Variants in JHY observed in about 807,000 individuals in gnomAD.
The protein encoded by JHY is junctional cadherin complex regulator.
Under a neutral mutation model 78.0 loss-of-function variants are expected in JHY, and 69 were observed. That is an observed-to-expected ratio of 0.88 (90% CI 0.73 to 1.08). The LOEUF (loss-of-function observed/expected upper bound fraction) is 1.08. Ranked by LOEUF, JHY falls within the 50% of genes least tolerant of loss-of-function variation. JHY has a pLI of 0.00. For synonymous variants in JHY, 368 were observed against 342.6 expected (o/e 1.07, Z -0.82); for missense variants, 944 against 927.8 (o/e 1.02, Z -0.23).
At position 122,959,574 on chromosome 11, in the gene JHY, T is replaced by C; in HGVS notation, c.*129T>C. The C allele has an allele frequency of 1.1e-6, 1 of 878,572 alleles. No homozygotes were observed. Among genetic ancestry groups the C allele is most frequent in the East Asian group, 2.7e-5 (1 of 37,056 alleles). 54.4% of individuals were successfully genotyped at this position (878,572 alleles called of 1,614,324 possible). On this transcript the variant is annotated 3_prime_UTR_variant, in exon 9 of 9. Transcript: ENST00000227349. Reference sequence around the variant, plus strand: ...CATCTATCTGCCGTCCATGTTTGCTTTCTGCAGGATTTAAAATATGAGGCC... The same window carrying C: ...CATCTATCTGCCGTCCATGTTTGCTCTCTGCAGGATTTAAAATATGAGGCC...
rs1261647392 is a variant in JHY, at chr11:122,892,327, T to TTG, written c.344+6135_344+6136insGT. Among the ~76,000 whole-genome samples, 113 of 145,674 alleles carry TTG rather than the reference T, an allele frequency of 7.8e-4. 1 individual carries two copies. In the East Asian group the frequency reaches 0.014, roughly 18 times the overall value. On this transcript the variant is annotated intron_variant, in intron 2 of 8. Coordinates refer to ENST00000227349, the MANE Select transcript of JHY (RefSeq NM_024806.4). ...AAAAAGGGACTCATAATAATCTGCA[T>TTG]TTTTTTTTTTTTTGAGATGGAGTCT...
At chr11:122,910,404 G>A (rs2135318178) in intron 3 of JHY, among the ~76,000 whole-genome samples, 1 of 152,022 alleles carries the variant, frequency 6.6e-6, no homozygotes, top group South Asian at 2.1e-4. Flanking sequence ...TCGGGAGGCA[G>A]GGTTTCCGTG....
intron 6 of JHY, among the ~76,000 whole-genome samples, chr11:122,949,071 G>A (rs1864029786): frequency 7.4e-6 from 1 of 134,668 alleles, no homozygotes; most frequent in Admixed American, 7.3e-5. Context: ...GGGACAGAGT[G>A]AGACTCCATC....
At chr11:122,914,439 TTTG>T (rs1235375540) in intron 3 of JHY, among the ~76,000 whole-genome samples, 6 of 152,028 alleles carry the variant, frequency 3.9e-5, no homozygotes, top group African/African-American at 1.4e-4. Context: ...GTTTTGTTTT[TTTG>T]TTTTTTTTGT....
rs759246686 is a variant in JHY at position 122,963,515 on chromosome 11, C to G, written c.*4070C>G. On this transcript the variant is annotated 3_prime_UTR_variant, in exon 9 of 9. Coordinates refer to ENST00000227349, the MANE Select transcript of JHY (RefSeq NM_024806.4). Reference sequence around the variant, plus strand: ...CACGTCATCTCACAATAGTGAAATACAGCAGAATGTCACTAAACTACCATA... The same window carrying G: ...CACGTCATCTCACAATAGTGAAATAGAGCAGAATGTCACTAAACTACCATA... Among the ~76,000 whole-genome samples, 4 of 152,158 alleles carry G rather than the reference C, an allele frequency of 2.6e-5. No homozygotes were observed. Among genetic ancestry groups the G allele is most frequent in the Admixed American group, 6.5e-5 (1 of 15,276 alleles).
intron 2 of JHY, among the ~76,000 whole-genome samples, chr11:122,894,852 T>C (rs918403972): frequency 6.6e-6 from 1 of 152,240 alleles, no homozygotes; most frequent in Non-Finnish European, 1.5e-5. Flanking sequence ...AGTGTGTTCC[T>C]ATAGACAGTC....
chr11:122,944,892 TTC>T (rs1158251218), intron 5 of JHY, among the ~76,000 whole-genome samples: 4 of 152,156 alleles, frequency 2.6e-5, no homozygotes, highest in Non-Finnish European at 5.9e-5. Context: ...TGTTTTTATT[TTC>T]TCTTATTGGT....
intron 3 of JHY, among the ~76,000 whole-genome samples, chr11:122,919,067 A>C (rs1365668629): frequency 6.6e-6 from 1 of 152,008 alleles, no homozygotes; most frequent in Non-Finnish European, 1.5e-5. Flanking sequence ...GAATAAGTGA[A>C]GTGGGCCAGG....
chr11:122,944,697 A>G lies in JHY; in HGVS notation c.1635-1801A>G, dbSNP rs368887302. Among the ~76,000 whole-genome samples the G allele has an allele frequency of 2.0e-5, 3 of 152,128 alleles. No homozygotes were observed. In the South Asian group the frequency reaches 6.2e-4, roughly 32 times the overall value. On this transcript the variant is annotated intron_variant, in intron 5 of 8. Coordinates refer to ENST00000227349, the MANE Select transcript of JHY (RefSeq NM_024806.4). Reference sequence around the variant, plus strand: ...CCATGTTACCCTTTATTCTGAAGTAAATCCTTTAGAAGTTCTTTTAGCAAG... The same window carrying G: ...CCATGTTACCCTTTATTCTGAAGTAGATCCTTTAGAAGTTCTTTTAGCAAG...
intron 1 of JHY, among the ~76,000 whole-genome samples, chr11:122,885,462 T>G (rs1287202295): frequency 6.6e-6 from 1 of 152,226 alleles, no homozygotes; most frequent in East Asian, 1.9e-4. Flanking sequence ...TAGTCCAGGC[T>G]TGTCTGTAAC....
intron 4 of JHY, among the ~76,000 whole-genome samples, chr11:122,927,411 G>A (rs1006393311): frequency 6.6e-6 from 1 of 152,178 alleles, no homozygotes; most frequent in African/African-American, 2.4e-5. Context: ...ACCACAAATG[G>A]CCTAAGGGAT....
rs79314277 is a variant in JHY, at chr11:122,950,790, T to A, written c.1929+3998T>A. 7.7e-3 allele frequency among the ~76,000 whole-genome samples: 1,168 copies of A among 152,306 alleles called. 14 individuals are homozygous for A. The highest frequency in any genetic ancestry group is 0.026 in the African/African-American group (1,084 of 41,578). ...GTAGAGGAAAGTACTCCGACGACAGTGTGTGTCACCAGAAATCTAAGCGCA... is the reference window on the plus strand; with the variant it reads ...GTAGAGGAAAGTACTCCGACGACAGAGTGTGTCACCAGAAATCTAAGCGCA... On this transcript the variant is annotated intron_variant, in intron 6 of 8. Transcript: ENST00000227349.
Position 122,917,413 on chromosome 11 carries a change from C to T in JHY, c.865-7484C>T, listed in dbSNP as rs1243264744. On this transcript the variant is annotated intron_variant, in intron 3 of 8. Transcript: ENST00000227349. The surrounding 1 kb of genome is among the most constrained non-coding windows in gnomAD (Gnocchi z 4.1). ...TTGGCAGACGTCTTTCATGCAGTCC[C>T]TTGTATGTCATTTTAAAGCAGAAGC... Among the ~76,000 whole-genome samples the T allele has an allele frequency of 6.6e-6, 1 of 152,134 alleles. No individual in the cohort carries two copies. Among genetic ancestry groups the T allele is most frequent in the Non-Finnish European group, 1.5e-5 (1 of 68,036 alleles).
At chr11:122,957,673 C>T (rs1420043356) in intron 8 of JHY, among the ~76,000 whole-genome samples, 182 bp downstream of exon 8, 4 of 150,628 alleles carry the variant, frequency 2.7e-5, no homozygotes, top group Non-Finnish European at 4.4e-5. Context: ...GGGAGAGGCA[C>T]CACACCCAGC....
Position 122,886,104 on chromosome 11 carries a change from G to A in JHY, c.255G>A (p.Leu85=). ...AGGAAAGCCCTCGATGGGGAAGCCT[G>A]CACGAGATGGAAGAGGAAGCAAGTG... The part of the protein sequence containing the change: ...DEEESPRWGS[L]HEMEEEASGK... The change falls in exon 2 of 9, where the codon CTG becomes CTA. Residue 85 remains leucine (L), a synonymous_variant. Coordinates refer to ENST00000227349, the MANE Select transcript of JHY (RefSeq NM_024806.4). The A allele has an allele frequency of 6.2e-7, 1 of 1,614,184 alleles. No individual in the cohort carries two copies. Among genetic ancestry groups the A allele is most frequent in the Non-Finnish European group, 8.5e-7 (1 of 1,180,048 alleles).
intron 4 of JHY, 47 bp from the exon 5 acceptor site, chr11:122,934,373 A>G: frequency 3.0e-6 from 3 of 994,400 alleles, no homozygotes; most frequent in Non-Finnish European, 4.1e-6. Flanking sequence ...AAATTTGTGA[A>G]GAGTGCCAGT....
At chr11:122,958,671 A>G (rs1864243169) in intron 8 of JHY, 1 of 940,352 alleles carries the variant, frequency 1.1e-6, no homozygotes, top group Admixed American at 6.2e-5. Flanking sequence ...TAGTGATCTC[A>G]TTTTTATTGT....
intron 4 of JHY, among the ~76,000 whole-genome samples, chr11:122,927,616 C>T (rs1467743285): frequency 6.6e-6 from 1 of 152,234 alleles, no homozygotes; most frequent in Non-Finnish European, 1.5e-5. Flanking sequence ...CCACCCTGCT[C>T]CTCTGCCCTC....
At chr11:122,928,965 G>T (rs1305219456) in intron 4 of JHY, among the ~76,000 whole-genome samples, 1 of 147,486 alleles carries the variant, frequency 6.8e-6, no homozygotes, top group African/African-American at 2.5e-5. Context: ...TCTTTTTAAG[G>T]CTGAGTTTCA....
Sources: gnomAD v4.1 joint callset for allele counts (sites outside exome capture counted in the v4.1 genomes callset) on GRCh38, gnomAD v4.1.1 for gene constraint, Gnocchi (gnomAD v3.1) non-coding constraint, MANE v1.5 for transcripts, NCBI Gene and HGNC (gene_info 2026-07-23, HGNC 2026-07-21) for gene names.